Variants in RERG observed in about 807,000 individuals in gnomAD.
RERG encodes the protein ras-related and estrogen-regulated growth inhibitor.
Under a neutral mutation model 23.2 loss-of-function variants are expected in RERG, and 25 were observed. The ratio of observed to expected loss-of-function variants is 1.08; its 90% CI spans 0.79 to 1.50. The LOEUF (loss-of-function observed/expected upper bound fraction) is 1.50. Ranked by LOEUF, RERG falls within the 40% of genes most tolerant of loss-of-function variation. The probability of loss-of-function intolerance (pLI) is 0.00; values close to 1 mark genes in which losing one functional copy is unlikely to be tolerated. For missense variants in RERG, 253 were observed against 250.1 expected (o/e 1.01, Z -0.08); for synonymous variants, 81 against 89.1 (o/e 0.91, Z 0.51).
At chr12:15,125,694 T>C (rs1863925130) in intron 2 of RERG, among the ~76,000 whole-genome samples, 1 of 152,036 alleles carries the variant, frequency 6.6e-6, no homozygotes, top group African/African-American at 2.4e-5. Context: ...GAGGATTTAA[T>C]ACAACATGGG....
chr12:15,151,579 T>C lies in RERG; in HGVS notation c.62-30460A>G, dbSNP rs553916992. The stretch of plus-strand genomic sequence containing the variant: ...ACTTTGAAAGAAAACACTATTCATC[T>C]TGAGATGGGGGGAAAAATGCTAAGT... On this transcript the variant is annotated intron_variant, in intron 2 of 4. Transcript: ENST00000256953. Among the ~76,000 whole-genome samples, 5 of 152,338 alleles carry C rather than the reference T, an allele frequency of 3.3e-5. No individual in the cohort carries two copies. The East Asian group carries it at 9.6e-4, about 29-fold the overall frequency.
intron 2 of RERG, among the ~76,000 whole-genome samples, chr12:15,215,550 T>G (rs770020616): frequency 2.0e-5 from 3 of 152,188 alleles, no homozygotes; most frequent in Non-Finnish European, 2.9e-5. Context: ...TTGGTCATTG[T>G]TTGGTAGTGA....
intron 2 of RERG, among the ~76,000 whole-genome samples, chr12:15,141,730 T>TTTC (rs1366590930): frequency 6.6e-6 from 1 of 152,204 alleles, no homozygotes. Context: ...TATTTAGCTT[T>TTTC]TTCTTTTTGT....
At chr12:15,208,502 T>C (rs985013799) in intron 2 of RERG, among the ~76,000 whole-genome samples, 6 of 152,228 alleles carry the variant, frequency 3.9e-5, no homozygotes, top group African/African-American at 1.4e-4. Context: ...ATTTTTCATT[T>C]ATTTATTAAG....
chr12:15,214,216 GAACACTTGCATGT>G (rs1865410681), intron 2 of RERG, among the ~76,000 whole-genome samples: 1 of 152,064 alleles, frequency 6.6e-6, no homozygotes. Flanking sequence ...AATGTGCCAG[GAACACTTGCATGT>G]AACAACTCAT....
At chr12:15,184,071 A>G (rs1199095481) in intron 2 of RERG, among the ~76,000 whole-genome samples, 1 of 152,170 alleles carries the variant, frequency 6.6e-6, no homozygotes, top group Non-Finnish European at 1.5e-5. Flanking sequence ...AGTGACACTC[A>G]TGAGTCAGAA....
At chr12:15,122,923 C>T (rs1241792906) in intron 2 of RERG, among the ~76,000 whole-genome samples, 2 of 151,816 alleles carry the variant, frequency 1.3e-5, no homozygotes, top group African/African-American at 2.4e-5. Flanking sequence ...CACAGCCTCC[C>T]GAGTAGCTGG....
chr12:15,196,042 A>G (rs529961636), intron 2 of RERG, among the ~76,000 whole-genome samples: 4 of 152,266 alleles, frequency 2.6e-5, no homozygotes, highest in African/African-American at 9.6e-5. Context: ...AGGTGTGGGA[A>G]CTTTGACTGC....
chr12:15,129,512 C>T (rs947795673), intron 2 of RERG, among the ~76,000 whole-genome samples: 3 of 152,070 alleles, frequency 2.0e-5, no homozygotes, highest in Non-Finnish European at 2.9e-5. Context: ...ATTTATTGAC[C>T]ACTGTGCAAA....
chr12:15,192,989 AT>A (rs1865092644), intron 2 of RERG, among the ~76,000 whole-genome samples: 1 of 152,060 alleles, frequency 6.6e-6, no homozygotes, highest in Non-Finnish European at 1.5e-5. Flanking sequence ...TGTCTGCCGG[AT>A]TTTTTTCACC....
Position 15,111,324 on chromosome 12 carries a change from T to C in RERG, c.192+20A>G, listed in dbSNP as rs777560262. 1.3e-6 allele frequency: 2 copies of C among 1,568,190 alleles called. No individual in the cohort carries two copies. Among genetic ancestry groups the C allele is most frequent in the South Asian group, 1.2e-5 (1 of 86,664 alleles). ...TTTTATTTGATCCAGAAAAATATTTTAGCTGAACTCTTTATTCACCTGACC... is the reference window on the plus strand; with the variant it reads ...TTTTATTTGATCCAGAAAAATATTTCAGCTGAACTCTTTATTCACCTGACC... On this transcript the variant is annotated intron_variant, in intron 4 of 4. Transcript: ENST00000256953.
intron 2 of RERG, among the ~76,000 whole-genome samples, chr12:15,192,426 T>C (rs1326074275): frequency 6.6e-6 from 1 of 152,016 alleles, no homozygotes; most frequent in Non-Finnish European, 1.5e-5. Flanking sequence ...CTTACAGTTA[T>C]TTTTTTACAG....
intron 2 of RERG, among the ~76,000 whole-genome samples, chr12:15,164,175 C>T (rs1864653833): frequency 6.6e-6 from 1 of 152,176 alleles, no homozygotes; most frequent in African/African-American, 2.4e-5. Flanking sequence ...CTGAGCCAGT[C>T]CTGACTGGAG....
At chr12:15,214,602 A>G (rs1865415462) in intron 2 of RERG, among the ~76,000 whole-genome samples, 1 of 152,244 alleles carries the variant, frequency 6.6e-6, no homozygotes, top group Non-Finnish European at 1.5e-5. Context: ...GTGTGATACA[A>G]TGATGAGGCA....
intron 2 of RERG, among the ~76,000 whole-genome samples, chr12:15,212,890 A>T (rs1865388189): frequency 6.6e-6 from 1 of 152,218 alleles, no homozygotes; most frequent in Admixed American, 6.5e-5. Context: ...AAAAGCTTTT[A>T]AAAACTTCTT....
chr12:15,201,421 A>G (rs1217270734), intron 2 of RERG, among the ~76,000 whole-genome samples: 1 of 151,734 alleles, frequency 6.6e-6, no homozygotes, highest in African/African-American at 2.4e-5. Context: ...ATCTTCTCAT[A>G]TATAAGAACA....
At chr12:15,175,162 G>C (rs554096360) in intron 2 of RERG, among the ~76,000 whole-genome samples, 271 of 146,628 alleles carry the variant, frequency 1.8e-3, no homozygotes, top group Non-Finnish European at 2.7e-3. Flanking sequence ...TGTTGTATTT[G>C]TTGTTTTTTT....
chr12:15,133,161 A>ATATG (rs1355432623), intron 2 of RERG, among the ~76,000 whole-genome samples: 1 of 139,596 alleles, frequency 7.2e-6, no homozygotes, highest in Non-Finnish European at 1.5e-5. Flanking sequence ...ATATATATAT[A>ATATG]TATATATATA....
chr12:15,212,750 A>G (rs1865386251), intron 2 of RERG, among the ~76,000 whole-genome samples: 1 of 152,182 alleles, frequency 6.6e-6, no homozygotes, highest in Non-Finnish European at 1.5e-5. Flanking sequence ...TTTTTATTAT[A>G]TATATGTGAG....
Sources: allele counts gnomAD v4.1 joint callset (sites outside exome capture counted in the v4.1 genomes callset), GRCh38; gene constraint gnomAD v4.1.1; transcripts MANE v1.5; gene names NCBI Gene and HGNC (gene_info 2026-07-23, HGNC 2026-07-21).